Variants in TPX2 observed in about 807,000 individuals in gnomAD.
TPX2 encodes the protein TPX2 microtubule nucleation factor, also known as targeting protein for Xklp2.
Under a neutral mutation model 93.6 loss-of-function variants are expected in TPX2, and 21 were observed. The observed-to-expected ratio is 0.22, with a 90% confidence interval of 0.16 to 0.32. The LOEUF is 0.32. TPX2 is among the 10% of genes least tolerant of loss of function. The probability of loss-of-function intolerance (pLI) is 1.00; values close to 1 mark genes in which losing one functional copy is unlikely to be tolerated. For synonymous variants in TPX2, 281 were observed against 298.3 expected (o/e 0.94, Z 0.60); for missense variants, 776 against 871.1 (o/e 0.89, Z 1.37).
At chr20:31,759,907 T>C in intron 3 of TPX2, 150 bp from the exon 4 acceptor site, 1 of 1,033,060 alleles carries the variant, frequency 9.7e-7, no homozygotes, top group Admixed American at 3.0e-5. Flanking sequence ...TAATGTGTAC[T>C]TTTTCTTTTG....
At chr20:31,790,228 T>C (rs6060950) in intron 12 of TPX2, among the ~76,000 whole-genome samples, 56,383 of 152,066 alleles carry the variant, frequency 0.37, 12,598 homozygotes, top group African/African-American at 0.62. Context: ...TTCACTATGC[T>C]AATGATTCTA....
rs1476003157 is a variant in TPX2 at position 31,792,765 on chromosome 20, A to T, written c.1444A>T (p.Thr482Ser). The T allele has an allele frequency of 6.2e-7, 1 of 1,614,200 alleles. No homozygotes were observed. The highest frequency in any genetic ancestry group is 1.7e-5 in the Admixed American group (1 of 60,028). ...TCCTGAAAAGAAGGTACTTCCAATC[A>T]CCGTCCCCAAGTCACCAGCCTTTGC... The part of the protein sequence containing the change: ...GVPEKKVLPI[T>S]VPKSPAFALK... Residue 482 changes from threonine to serine, a missense_variant, in exon 13 of 18, where the codon ACC becomes TCC. Thr to Ser is a moderately conservative substitution (Grantham distance 58). This residue lies in a region of TPX2 where 461 missense variants were observed against 551.2 expected (regional missense o/e 0.84). Transcript: ENST00000300403.
At chr20:31,797,600 T>C (rs1479292011) in intron 16 of TPX2, 85 bp downstream of exon 16, 1 of 1,214,800 alleles carries the variant, frequency 8.2e-7, no homozygotes, top group Non-Finnish European at 1.2e-6. Context: ...GTCAGTACAA[T>C]GCTGTGTCAA....
At chr20:31,753,789 G>C (rs1473790489) in intron 2 of TPX2, among the ~76,000 whole-genome samples, 1 of 152,104 alleles carries the variant, frequency 6.6e-6, no homozygotes, top group East Asian at 1.9e-4. Context: ...ACTTTGGGTG[G>C]CCGAGGCAGG....
intron 10 of TPX2, among the ~76,000 whole-genome samples, chr20:31,782,036 A>G (rs1281214183): frequency 6.6e-6 from 1 of 152,190 alleles, no homozygotes; most frequent in Non-Finnish European, 1.5e-5. Flanking sequence ...GAGTTTACCC[A>G]AAGGCTACCT....
chr20:31,780,850 A>G (rs2062028698), intron 10 of TPX2: 1 of 328,132 alleles, frequency 3.0e-6, no homozygotes, highest in South Asian at 2.5e-5. Context: ...TGATGCTTTT[A>G]TATTGATTTC....
chr20:31,755,854 A>C (rs2061848602), intron 2 of TPX2, among the ~76,000 whole-genome samples: 2 of 152,052 alleles, frequency 1.3e-5, no homozygotes, highest in South Asian at 4.1e-4. Flanking sequence ...GATTACTTTC[A>C]GCTATTTTAT....
Position 31,742,667 on chromosome 20 carries a change from A to T in TPX2, c.-71+20A>T, listed in dbSNP as rs1359130549. ...CCACAGGTAAGGCAGTGACCATAGG[A>T]ATAAGGAACATTAATATATCAGCTT... On this transcript the variant is annotated intron_variant, in intron 2 of 17. Coordinates refer to ENST00000300403, the MANE Select transcript of TPX2 (RefSeq NM_012112.5). 6.6e-6 allele frequency: 1 copy of T among 152,236 alleles called. No individual in the cohort carries two copies. Among genetic ancestry groups the T allele is most frequent in the African/African-American group, 2.4e-5 (1 of 41,456 alleles). 9.4% of individuals were successfully genotyped at this position (152,236 alleles called of 1,614,324 possible).
chr20:31,751,325 A>T (rs2061818190), intron 2 of TPX2, among the ~76,000 whole-genome samples: 2 of 152,024 alleles, frequency 1.3e-5, no homozygotes, highest in Non-Finnish European at 2.9e-5. Flanking sequence ...TCTTCATTAC[A>T]TTCATGCCTG....
At chr20:31,781,467 G>A (rs1204092690) in intron 10 of TPX2, among the ~76,000 whole-genome samples, 3 of 151,336 alleles carry the variant, frequency 2.0e-5, no homozygotes, top group South Asian at 4.2e-4. Flanking sequence ...GGATTTCACC[G>A]TGTTAGCCAG....
At chr20:31,798,704 G>T in intron 17 of TPX2, 152 bp downstream of exon 17, 1 of 976,220 alleles carries the variant, frequency 1.0e-6, no homozygotes, top group Non-Finnish European at 1.5e-6. Context: ...TGAGGGTGGT[G>T]ATGAAGTTGA....
In TPX2 at chr20:31,744,205, G is replaced by A. The variant is rs1293355235; in HGVS notation, c.-71+1558G>A. ...GAGTCGGAGTCTCACTCTGTCGCCCGGGTTGGAGTGCAATGGCGCGATCTC... is the reference window on the plus strand; with the variant it reads ...GAGTCGGAGTCTCACTCTGTCGCCCAGGTTGGAGTGCAATGGCGCGATCTC... On this transcript the variant is annotated intron_variant, in intron 2 of 17. Coordinates refer to ENST00000300403, the MANE Select transcript of TPX2 (RefSeq NM_012112.5). 3.2e-5 allele frequency among the ~76,000 whole-genome samples: 4 copies of A among 123,428 alleles called. No individual in the cohort carries two copies. The East Asian group carries it at 9.0e-4, about 28-fold the overall frequency. 81.0% of individuals were successfully genotyped at this position (123,428 alleles called of 152,430 possible). A position where few individuals can be genotyped will look rare whatever the true frequency, so the allele number is the denominator to read the frequency against.
In TPX2 at chr20:31,766,549, T is replaced by C. The variant is rs367591475; in HGVS notation, c.230-7T>C. On this transcript the variant is annotated splice_polypyrimidine_tract_variant and splice_region_variant and intron_variant, in intron 4 of 17. Coordinates refer to ENST00000300403, the MANE Select transcript of TPX2 (RefSeq NM_012112.5). The stretch of plus-strand genomic sequence containing the variant: ...TTGAGTGCTGACTAGCTTTTGGTCT[T>C]CCGCAGTTGACAACACTTACTACAA... The C allele has an allele frequency of 1.2e-6, 2 of 1,607,282 alleles. No homozygotes were observed. Among genetic ancestry groups the C allele is most frequent in the African/African-American group, 2.7e-5 (2 of 74,330 alleles).
intron 17 of TPX2, among the ~76,000 whole-genome samples, chr20:31,799,866 C>T (rs1022480100): frequency 7.0e-6 from 1 of 143,498 alleles, no homozygotes; most frequent in African/African-American, 2.7e-5. Flanking sequence ...CCACTGCAGT[C>T]CAGCCTGGGG....
chr20:31,763,484 T>C (rs930371099), intron 4 of TPX2, among the ~76,000 whole-genome samples: 1 of 152,090 alleles, frequency 6.6e-6, no homozygotes, highest in Non-Finnish European at 1.5e-5. Context: ...CTGTCCTGCT[T>C]ATACATTATT....
At chr20:31,756,566 C>T (rs552122348) in intron 2 of TPX2, among the ~76,000 whole-genome samples, 1 of 151,882 alleles carries the variant, frequency 6.6e-6, no homozygotes, top group East Asian at 1.9e-4. Flanking sequence ...AGATACTTAT[C>T]AAACTTTGCC....
At chr20:31,797,651 C>T (rs937833432) in intron 16 of TPX2, 136 bp downstream of exon 16, 9 of 759,746 alleles carry the variant, frequency 1.2e-5, no homozygotes, top group Middle Eastern at 4.8e-4. Context: ...CTTTTCTTCC[C>T]CTAGACCCAG....
At chr20:31,753,505 C>A (rs1441067235) in intron 2 of TPX2, among the ~76,000 whole-genome samples, 2 of 152,038 alleles carry the variant, frequency 1.3e-5, no homozygotes, top group East Asian at 1.9e-4. Flanking sequence ...TTGGAGAACC[C>A]CTTTTTGCTT....
intron 12 of TPX2, among the ~76,000 whole-genome samples, chr20:31,788,809 A>G (rs1331792556): frequency 6.6e-6 from 1 of 152,214 alleles, no homozygotes; most frequent in Non-Finnish European, 1.5e-5. Flanking sequence ...ATGTGGTGTC[A>G]GTGAGACCAG....
Sources: gnomAD v4.1 joint callset for allele counts (sites outside exome capture counted in the v4.1 genomes callset) on GRCh38, gnomAD v4.1.1 for gene constraint, gnomAD v4.1.1 regional missense constraint, MANE v1.5 for transcripts, NCBI Gene and HGNC (gene_info 2026-07-23, HGNC 2026-07-21) for gene names.